The following CFAP99 variants were observed in gnomAD, a reference collection of about 807,000 sequenced individuals.
The protein encoded by CFAP99 is cilia and flagella associated protein 99.
In CFAP99, 84 loss-of-function variants were observed where a neutral mutation model predicts 82.7. That is an observed-to-expected ratio of 1.02 (90% CI 0.85 to 1.22). The LOEUF (loss-of-function observed/expected upper bound fraction) is 1.22. Ranked by LOEUF, CFAP99 falls within the 50% of genes most tolerant of loss-of-function variation. The pLI, the probability that CFAP99 is intolerant of heterozygous loss-of-function variation, is 0.00. For missense variants in CFAP99, 1,059 were observed against 983.5 expected, an observed-to-expected ratio of 1.08 and a Z score of -1.03; for synonymous variants, 456 against 429.5, an observed-to-expected ratio of 1.06 and a Z score of -0.76.
chr4:2,426,167 G>T (rs946787361), intron 1 of CFAP99, among the ~76,000 whole-genome samples: 32 of 152,274 alleles, frequency 2.1e-4, no homozygotes, highest in Non-Finnish European at 3.8e-4. Context: ...TCGGTCTGTG[G>T]TGATGGGGGT....
Position 2,423,220 on chromosome 4 carries a change from C to G in CFAP99, c.-17-3239C>G, listed in dbSNP as rs553910973. On this transcript the variant is annotated intron_variant, in intron 1 of 14. Coordinates refer to ENST00000635017, the Ensembl canonical transcript of CFAP99. ...CTATTGCCCCCTGGCTGTGTTATGGCTGCCTGGATCCACCTACCCACCAGG... is the reference window on the plus strand; with the variant it reads ...CTATTGCCCCCTGGCTGTGTTATGGGTGCCTGGATCCACCTACCCACCAGG... Among the ~76,000 whole-genome samples, 6 of 152,370 alleles carry G rather than the reference C, an allele frequency of 3.9e-5. No individual in the cohort carries two copies. The East Asian group carries it at 1.2e-3, about 29-fold the overall frequency.
intron 11 of CFAP99, among the ~76,000 whole-genome samples, chr4:2,457,230 G>A (rs866382483): frequency 8.5e-5 from 13 of 152,154 alleles, no homozygotes; most frequent in South Asian, 6.2e-4. Context: ...AGCGTGAGCC[G>A]CTGCAGCTGG....
At chr4:2,443,210 C>T (rs780547780) in exon 5 of CFAP99, 67 of 1,535,594 alleles carry the variant, frequency 4.4e-5, no homozygotes, top group Admixed American at 9.8e-5. Context: ...AGCCAGCCCA[C>T]GTGAAGGAGA....
chr4:2,436,847 G>A, intron 2 of CFAP99, 27 bp from the exon 3 acceptor site: 2 of 1,534,732 alleles, frequency 1.3e-6, no homozygotes, highest in Non-Finnish European at 1.7e-6. Flanking sequence ...CCCAGCCAGG[G>A]CCCCCCACCG....
At chr4:2,437,822 G>A (rs890103300) in intron 3 of CFAP99, among the ~76,000 whole-genome samples, 1 of 152,220 alleles carries the variant, frequency 6.6e-6, no homozygotes, top group African/African-American at 2.4e-5. Flanking sequence ...TTTACCTGGG[G>A]AGCCTTTGCA....
At chr4:2,426,736 G>A (rs2269493) in intron 2 of CFAP99, 150 bp downstream of exon 2, 211,145 of 614,604 alleles carry the variant, frequency 0.34, 38,684 homozygotes, top group East Asian at 0.5. Context: ...CCTGCTCTTC[G>A]TATGGGGAGG....
At chr4:2,442,940 G>T (rs958924550) in intron 4 of CFAP99, among the ~76,000 whole-genome samples, 190 bp from the exon 5 acceptor site, 2 of 65,220 alleles carry the variant, frequency 3.1e-5, no homozygotes, top group Non-Finnish European at 5.9e-5. Context: ...GGGGGCCTTG[G>T]GGGGAGCCAC....
intron 8 of CFAP99, 140 bp downstream of exon 8, chr4:2,450,145 C>CT: frequency 4.7e-6 from 4 of 851,172 alleles, no homozygotes; most frequent in Non-Finnish European, 7.4e-6. Flanking sequence ...TTCCCAGTAG[C>CT]ACTGGGAAAG....
chr4:2,452,436 T>C, intron 11 of CFAP99, 90 bp downstream of exon 11: 2 of 1,361,584 alleles, frequency 1.5e-6, no homozygotes, highest in East Asian at 2.5e-5. Context: ...GCAGTGGAGC[T>C]GAGTGTCCAC....
chr4:2,438,506 C>T (rs1236516036), intron 4 of CFAP99, among the ~76,000 whole-genome samples: 1 of 152,182 alleles, frequency 6.6e-6, no homozygotes, highest in Non-Finnish European at 1.5e-5. Context: ...TCGTGATCCG[C>T]CCGCCTCGGC....
Position 2,458,919 on chromosome 4 carries a change from T to C in CFAP99, c.1303+55T>C, listed in dbSNP as rs1734504706. ...ACCCCGCTCTTCCCCACTCGGGTGC[T>C]GGGCTGCCACCCTTTCCTGAGTGAG... On this transcript the variant is annotated intron_variant, in intron 12 of 14. Transcript: ENST00000635017. The C allele has an allele frequency of 2.0e-6, 3 of 1,499,684 alleles. No homozygotes were observed. In the Admixed American group the frequency reaches 6.2e-5, roughly 31 times the overall value. The allele number at this position is 1,499,684 out of a possible 1,614,324, so 92.9% of individuals were successfully genotyped here.
intron 4 of CFAP99, 79 bp downstream of exon 4, chr4:2,438,243 T>C (rs1489329367): frequency 6.1e-6 from 5 of 820,538 alleles, no homozygotes; most frequent in Non-Finnish European, 1.0e-5. Flanking sequence ...CTTTCGTCAT[T>C]CTGGTTGGGT....
At chr4:2,440,072 C>T (rs1387502125) in intron 4 of CFAP99, among the ~76,000 whole-genome samples, 1 of 151,378 alleles carries the variant, frequency 6.6e-6, no homozygotes, top group South Asian at 2.1e-4. Flanking sequence ...GAACTCCTGA[C>T]CTCAGGTGAT....
At chr4:2,458,199 C>A (rs974604746) in intron 11 of CFAP99, among the ~76,000 whole-genome samples, 2 of 152,176 alleles carry the variant, frequency 1.3e-5, no homozygotes, top group Non-Finnish European at 2.9e-5. Context: ...TTGACTGAGA[C>A]GGGAATCTTG....
chr4:2,443,098 T>C (rs1318269588), intron 4 of CFAP99, 32 bp from the exon 5 acceptor site: 5 of 1,245,842 alleles, frequency 4.0e-6, no homozygotes, highest in Non-Finnish European at 5.7e-6. Context: ...GGCCCAGGGC[T>C]CCGGCCCCCT....
intron 7 of CFAP99, 34 bp downstream of exon 7, chr4:2,449,784 C>A (rs1188015169): frequency 6.5e-7 from 1 of 1,534,592 alleles, no homozygotes; most frequent in Admixed American, 2.0e-5. Context: ...TTCCTAGAGA[C>A]CCCATATGAG....
chr4:2,433,006 T>C (rs957227252), intron 2 of CFAP99, among the ~76,000 whole-genome samples: 4 of 141,922 alleles, frequency 2.8e-5, no homozygotes, highest in African/African-American at 1.0e-4. Context: ...CCCCTCTCTG[T>C]GAATAGGCTG....
At chr4:2,422,639 G>A (rs1219817243) in intron 1 of CFAP99, among the ~76,000 whole-genome samples, 1 of 152,104 alleles carries the variant, frequency 6.6e-6, no homozygotes, top group African/African-American at 2.4e-5. Flanking sequence ...GCGCAAGAAG[G>A]GGCCCTTTTC....
At chr4:2,444,983 T>C (rs1006719455) in intron 5 of CFAP99, 148 bp from the exon 6 acceptor site, 1 of 459,950 alleles carries the variant, frequency 2.2e-6, no homozygotes, top group Non-Finnish European at 3.6e-6. Context: ...TAGAAGCCAC[T>C]TCGTGAAGTG....
Sources: gnomAD v4.1 joint callset for allele counts (sites outside exome capture counted in the v4.1 genomes callset) on GRCh38, gnomAD v4.1.1 for gene constraint, MANE v1.5 for transcripts, NCBI Gene and HGNC (gene_info 2026-07-23, HGNC 2026-07-21) for gene names.